CNTNAP5: variants seen among roughly 807,000 people sequenced by gnomAD.
CNTNAP5 encodes the protein contactin associated protein family member 5, also known as contactin-associated protein-like 5.
Under a neutral mutation model 150.2 loss-of-function variants are expected in CNTNAP5, and 72 were observed. The observed-to-expected ratio is 0.48, with a 90% CI of 0.40 to 0.58. The LOEUF is 0.58. CNTNAP5 is among the 20% of genes least tolerant of loss of function. CNTNAP5 has a pLI of 0.00. For synonymous variants in CNTNAP5, 672 were observed against 619.8 expected, an observed-to-expected ratio of 1.08 and a Z score of -1.25; for missense variants, 1,636 against 1,626.2, an observed-to-expected ratio of 1.01 and a Z score of -0.10.
chr2:124,069,245 A>G (rs113338956), intron 1 of CNTNAP5, among the ~76,000 whole-genome samples: 6,920 of 151,792 alleles, frequency 0.046, 533 homozygotes, highest in African/African-American at 0.16. Flanking sequence ...CCACGATGAG[A>G]CTCCTCTGAC....
intron 3 of CNTNAP5, among the ~76,000 whole-genome samples, chr2:124,408,024 G>A (rs548926152): frequency 1.8e-4 from 27 of 152,200 alleles, no homozygotes; most frequent in Admixed American, 6.5e-4. Context: ...CAGTGGGTGC[G>A]CGCACCGTAC....
In CNTNAP5 at chr2:124,514,531, T is replaced by C. The variant is rs376439283; in HGVS notation, c.1328-9772T>C. Among the ~76,000 whole-genome samples, 8 of 152,196 alleles carry C rather than the reference T, an allele frequency of 5.3e-5. No individual in the cohort carries two copies. In the East Asian group the frequency reaches 1.2e-3, roughly 22 times the overall value. On this transcript the variant is annotated intron_variant, in intron 8 of 23. Coordinates refer to ENST00000682447, the MANE Select transcript of CNTNAP5 (RefSeq NM_001367498.1). ...AACTTTTGGAGTATCTACTCTGCAC[T>C]GGGTACTGTGGTTGAACCTGGGAAG... is the stretch of plus-strand genomic sequence containing the variant.
intron 1 of CNTNAP5, among the ~76,000 whole-genome samples, chr2:124,205,555 A>T (rs1289242645): frequency 6.6e-6 from 1 of 151,852 alleles, no homozygotes; most frequent in Non-Finnish European, 1.5e-5. Context: ...AGTAGCTGGG[A>T]CTACAGGTGT....
At chr2:124,795,710 G>GT (rs1681830165) in intron 18 of CNTNAP5, among the ~76,000 whole-genome samples, 1 of 152,100 alleles carries the variant, frequency 6.6e-6, no homozygotes, top group South Asian at 2.1e-4. Context: ...TAGAAATGGG[G>GT]TTTTGCCATG....
intron 3 of CNTNAP5, among the ~76,000 whole-genome samples, chr2:124,393,194 T>C (rs1248415182): frequency 6.6e-6 from 1 of 152,110 alleles, no homozygotes; most frequent in Non-Finnish European, 1.5e-5. Flanking sequence ...ATGTGTAATG[T>C]GGCATGCGGC....
At chr2:124,135,399 T>C (rs1018671184) in intron 1 of CNTNAP5, among the ~76,000 whole-genome samples, 2 of 152,178 alleles carry the variant, frequency 1.3e-5, no homozygotes, top group Non-Finnish European at 2.9e-5. Context: ...TGGACCTCAG[T>C]CATTCCACCT....
At chr2:124,648,881 G>A (rs922588285) in intron 13 of CNTNAP5, among the ~76,000 whole-genome samples, 1 of 152,164 alleles carries the variant, frequency 6.6e-6, no homozygotes, top group African/African-American at 2.4e-5. Flanking sequence ...CCAGCACTTA[G>A]AAGTTAAGAA....
intron 1 of CNTNAP5, among the ~76,000 whole-genome samples, chr2:124,211,049 A>G (rs1444531195): frequency 6.6e-6 from 1 of 152,198 alleles, no homozygotes; most frequent in Admixed American, 6.5e-5. Flanking sequence ...TTTGTTGAAT[A>G]TAAGAAAAAT....
intron 1 of CNTNAP5, among the ~76,000 whole-genome samples, chr2:124,031,953 G>GT (rs966714422): frequency 4.6e-5 from 7 of 152,008 alleles, no homozygotes; most frequent in Admixed American, 3.9e-4. Context: ...AATGTTAATA[G>GT]TTTTTTTGTG....
At chr2:124,583,000 T>A (rs955459413) in intron 11 of CNTNAP5, among the ~76,000 whole-genome samples, 11 of 152,206 alleles carry the variant, frequency 7.2e-5, no homozygotes, top group African/African-American at 2.7e-4. Context: ...AAAGGCTTTT[T>A]TTTCCAGCTT....
intron 3 of CNTNAP5, among the ~76,000 whole-genome samples, chr2:124,247,065 C>T (rs987866906): frequency 1.3e-5 from 2 of 152,094 alleles, no homozygotes; most frequent in Admixed American, 1.3e-4. Flanking sequence ...ATGGATTATA[C>T]ATTTTGGTCA....
chr2:124,384,405 G>A (rs1253724289), intron 3 of CNTNAP5, among the ~76,000 whole-genome samples: 1 of 152,120 alleles, frequency 6.6e-6, no homozygotes, highest in Admixed American at 6.6e-5. Flanking sequence ...AGTTTCTTTA[G>A]AGAGGTTTTT....
At chr2:124,109,654 TAAAC>T (rs1392513940) in intron 1 of CNTNAP5, among the ~76,000 whole-genome samples, 2 of 152,130 alleles carry the variant, frequency 1.3e-5, no homozygotes, top group African/African-American at 4.8e-5. Context: ...ACAGAAGGGA[TAAAC>T]AGACAGCTGG....
chr2:124,829,130 G>A (rs972953356), intron 19 of CNTNAP5, among the ~76,000 whole-genome samples: 2 of 152,108 alleles, frequency 1.3e-5, no homozygotes, highest in African/African-American at 4.8e-5. Flanking sequence ...CAAGAGATGT[G>A]GGGGGCCATG....
At chr2:124,695,247 G>A (rs935608385) in intron 13 of CNTNAP5, among the ~76,000 whole-genome samples, 9 of 152,160 alleles carry the variant, frequency 5.9e-5, no homozygotes, top group African/African-American at 2.2e-4. Context: ...GAAGTGTGCA[G>A]TAGCACAGCA....
intron 8 of CNTNAP5, among the ~76,000 whole-genome samples, chr2:124,508,500 C>A (rs1235184737): frequency 6.6e-6 from 1 of 152,166 alleles, no homozygotes; most frequent in Non-Finnish European, 1.5e-5. Flanking sequence ...AAGGCCCTGG[C>A]AGCACATTGC....
chr2:124,605,826 AAAAAAAAG>A (rs1183448645), intron 11 of CNTNAP5, among the ~76,000 whole-genome samples: 7 of 148,054 alleles, frequency 4.7e-5, no homozygotes, highest in Non-Finnish European at 7.5e-5. Context: ...AAAAAAAAAA[AAAAAAAAG>A]AAGGAAAGAA....
rs146297833 is a variant in CNTNAP5, at chr2:124,496,514, G to A, written c.1063-7778G>A. 6.1e-3 allele frequency among the ~76,000 whole-genome samples: 921 copies of A among 152,186 alleles called. 3 individuals are homozygous for A. The highest frequency in any genetic ancestry group is 0.019 in the South Asian group (94 of 4,824). Reference sequence around the variant, plus strand: ...TTTTTACTCACCAGGGTGTTGTGGCGTCTAGATGATGATTAAAAACAAAAC... The same window carrying A: ...TTTTTACTCACCAGGGTGTTGTGGCATCTAGATGATGATTAAAAACAAAAC... On this transcript the variant is annotated intron_variant, in intron 7 of 23. Coordinates refer to ENST00000682447, the MANE Select transcript of CNTNAP5 (RefSeq NM_001367498.1).
At chr2:124,335,044 T>C (rs1689437597) in intron 3 of CNTNAP5, among the ~76,000 whole-genome samples, 1 of 152,084 alleles carries the variant, frequency 6.6e-6, no homozygotes, top group Non-Finnish European at 1.5e-5. Flanking sequence ...CCCCAAATTT[T>C]CATCCACAGA....
Sources: gnomAD v4.1 joint callset for allele counts (sites outside exome capture counted in the v4.1 genomes callset) on GRCh38, gnomAD v4.1.1 for gene constraint, MANE v1.5 for transcripts, NCBI Gene and HGNC (gene_info 2026-07-23, HGNC 2026-07-21) for gene names.